The following JMJD1C variants were observed in gnomAD, a reference collection of about 807,000 sequenced individuals.
JMJD1C encodes the protein jumonji domain containing 1C.
A neutral mutation model predicts 245.3 loss-of-function variants in JMJD1C; 31 were observed. The ratio of observed to expected loss-of-function variants is 0.13; its 90% CI spans 0.09 to 0.17. The LOEUF (loss-of-function observed/expected upper bound fraction) is 0.17, where lower values mean the gene tolerates loss of function less well. JMJD1C is among the 10% of genes least tolerant of loss of function. The pLI, the probability that JMJD1C is intolerant of heterozygous loss-of-function variation, is 1.00. For missense variants in JMJD1C, 2,691 were observed against 3,000.2 expected, an observed-to-expected ratio of 0.90 and a Z score of 2.41; for synonymous variants, 1,057 against 1,017.4, an observed-to-expected ratio of 1.04 and a Z score of -0.74.
intron 2 of JMJD1C, among the ~76,000 whole-genome samples, chr10:63,373,357 T>C (rs1366923964): frequency 1.3e-5 from 2 of 152,200 alleles, no homozygotes; most frequent in Admixed American, 1.3e-4. Context: ...AGCCTGGGTA[T>C]TATACTATTC....
intron 11 of JMJD1C, among the ~76,000 whole-genome samples, chr10:63,199,655 C>T (rs542334065): frequency 3.9e-5 from 6 of 152,198 alleles, no homozygotes; most frequent in African/African-American, 1.2e-4. Context: ...CTCTTCTGCA[C>T]TTCCATGGGT....
At chr10:63,269,030 A>C in intron 2 of JMJD1C, 1 of 985,452 alleles carries the variant, frequency 1.0e-6, no homozygotes, top group Non-Finnish European at 1.2e-6. Flanking sequence ...GAAATCCTGC[A>C]GCTGAAGCAC....
chr10:63,371,364 A>G (rs1219553730), intron 2 of JMJD1C, among the ~76,000 whole-genome samples: 2 of 152,216 alleles, frequency 1.3e-5, no homozygotes, highest in African/African-American at 4.8e-5. Context: ...TTCCTAAAGT[A>G]TGTACAATTA....
chr10:63,222,954 T>G (rs898463750), intron 3 of JMJD1C: 18 of 1,480,150 alleles, frequency 1.2e-5, no homozygotes, highest in African/African-American at 2.8e-5. Flanking sequence ...ATTCAAATAT[T>G]GGAGATAATG....
chr10:63,444,383 C>T (rs1173536872), intron 1 of JMJD1C, among the ~76,000 whole-genome samples: 1 of 152,108 alleles, frequency 6.6e-6, no homozygotes, highest in Non-Finnish European at 1.5e-5. Context: ...AAGAGATTCT[C>T]CTGCCTCAGC....
At chr10:63,310,751 A>G (rs1426938474) in intron 2 of JMJD1C, among the ~76,000 whole-genome samples, 1 of 152,198 alleles carries the variant, frequency 6.6e-6, no homozygotes, top group Non-Finnish European at 1.5e-5. Context: ...CAAATCCTAC[A>G]AATCATTTTT....
intron 22 of JMJD1C, among the ~76,000 whole-genome samples, chr10:63,178,109 T>A (rs1466327890): frequency 6.6e-6 from 1 of 152,134 alleles, no homozygotes; most frequent in Non-Finnish European, 1.5e-5. Context: ...CCCGACTAAT[T>A]GTTTGTATTT....
chr10:63,174,728 G>A (rs900656960), intron 24 of JMJD1C, among the ~76,000 whole-genome samples: 1 of 152,098 alleles, frequency 6.6e-6, no homozygotes, highest in African/African-American at 2.4e-5. Context: ...CAGCTACTCG[G>A]GAGGCTGAGG....
intron 1 of JMJD1C, among the ~76,000 whole-genome samples, chr10:63,509,211 A>G (rs958071954): frequency 1.3e-3 from 201 of 152,308 alleles, no homozygotes; most frequent in African/African-American, 4.5e-3. Flanking sequence ...TTAGCCTGTT[A>G]ATGTGCTAGA....
intron 3 of JMJD1C, chr10:63,222,385 T>C: frequency 1.0e-6 from 1 of 970,078 alleles, no homozygotes; most frequent in East Asian, 2.4e-5. Context: ...CTGGATGTCA[T>C]CCTACAAGAT....
chr10:63,427,061 T>A (rs932402452), intron 1 of JMJD1C, among the ~76,000 whole-genome samples: 9 of 152,234 alleles, frequency 5.9e-5, no homozygotes, highest in Non-Finnish European at 1.3e-4. Flanking sequence ...GGTTTGTGTA[T>A]GTAAGTAATG....
At chr10:63,209,835 C>A (rs369458289) in intron 8 of JMJD1C, among the ~76,000 whole-genome samples, 3 of 152,270 alleles carry the variant, frequency 2.0e-5, no homozygotes, top group East Asian at 3.9e-4. Flanking sequence ...CAATATGCTG[C>A]CTGTCTCATG....
chr10:63,305,139 C>A (rs1415350973), intron 2 of JMJD1C, among the ~76,000 whole-genome samples: 1 of 151,838 alleles, frequency 6.6e-6, no homozygotes, highest in Non-Finnish European at 1.5e-5. Flanking sequence ...GAGGCCGAGG[C>A]GGGCGGATCA....
At chr10:63,462,922 C>T (rs1233024148) in intron 1 of JMJD1C, among the ~76,000 whole-genome samples, 1 of 151,996 alleles carries the variant, frequency 6.6e-6, no homozygotes, top group African/African-American at 2.4e-5. Context: ...ATTCCTCATA[C>T]ATAAGACCCA....
rs1847633992 is a variant in JMJD1C, at chr10:63,213,677, G to A, written c.2490C>T (p.His830=). The change falls in exon 8 of 26, where the codon CAC becomes CAT. Residue 830 remains histidine (H), a synonymous_variant. Coordinates refer to ENST00000399262, the MANE Select transcript of JMJD1C (RefSeq NM_032776.3). The part of the protein sequence containing the change: ...ASSLSHLALA[H]QQQQQLLQHQ... ...GCTGTAACAACTGTTGTTGTTGCTG[G>A]TGTGCTAGCGCTAAGTGGCTCAAGC... 2 of 1,614,230 alleles carry A rather than the reference G, an allele frequency of 1.2e-6. No individual in the cohort carries two copies. The highest frequency in any genetic ancestry group is 1.1e-5 in the South Asian group (1 of 91,084).
chr10:63,258,772 T>G (rs1206446444), intron 3 of JMJD1C, among the ~76,000 whole-genome samples: 1 of 152,208 alleles, frequency 6.6e-6, no homozygotes, highest in African/African-American at 2.4e-5. Flanking sequence ...ATGTCAGTTC[T>G]TATCATAGAT....
intron 2 of JMJD1C, among the ~76,000 whole-genome samples, chr10:63,282,060 A>T (rs2133891740): frequency 6.6e-6 from 1 of 152,206 alleles, no homozygotes; most frequent in African/African-American, 2.4e-5. Flanking sequence ...TAATCGTTTC[A>T]TTGTTTGTCC....
upstream of JMJD1C, chr10:63,466,385 C>G (rs1328055601): frequency 6.5e-6 from 1 of 152,778 alleles, no homozygotes; most frequent in Non-Finnish European, 1.5e-5. Context: ...CCTGAATTAG[C>G]AGTCCCGCAG....
At chr10:63,442,881 C>A (rs1349679749) in intron 1 of JMJD1C, among the ~76,000 whole-genome samples, 1 of 152,158 alleles carries the variant, frequency 6.6e-6, no homozygotes. Context: ...TACATGATGT[C>A]TTTTCCAATA....
Sources: gnomAD v4.1 joint callset for allele counts (sites outside exome capture counted in the v4.1 genomes callset) on GRCh38, gnomAD v4.1.1 for gene constraint, MANE v1.5 for transcripts, NCBI Gene and HGNC (gene_info 2026-07-23, HGNC 2026-07-21) for gene names.